Variants in PGR observed in about 807,000 individuals in gnomAD.
PGR encodes nuclear receptor subfamily 3 group C member 3.
A neutral mutation model predicts 76.1 loss-of-function variants in PGR; 25 were observed. That is an observed-to-expected ratio of 0.33 (90% CI 0.24 to 0.46). PGR has a LOEUF of 0.46. Among genes scored for constraint, PGR ranks in the 20% least tolerant of loss-of-function variants. The pLI, the probability that PGR is intolerant of heterozygous loss-of-function variation, is 1.00. For missense variants in PGR, 1,172 were observed against 1,225.3 expected, an observed-to-expected ratio of 0.96 and a Z score of 0.65; for synonymous variants, 579 against 535.0, an observed-to-expected ratio of 1.08 and a Z score of -1.14.
At chr11:101,059,030 A>AC (rs1324429045) in intron 4 of PGR, among the ~76,000 whole-genome samples, 4 of 151,280 alleles carry the variant, frequency 2.6e-5, no homozygotes, top group East Asian at 3.9e-4. Context: ...TTACTAAGGG[A>AC]CCCCCCACAC....
At chr11:101,045,642 T>C (rs1420520865) in intron 6 of PGR, among the ~76,000 whole-genome samples, 1 of 151,718 alleles carries the variant, frequency 6.6e-6, no homozygotes, top group African/African-American at 2.4e-5. Context: ...TCATTCTTTT[T>C]GATTGCTGAA....
chr11:101,061,105 T>C (rs1207205332), intron 4 of PGR, among the ~76,000 whole-genome samples: 1 of 152,074 alleles, frequency 6.6e-6, no homozygotes, highest in Non-Finnish European at 1.5e-5. Flanking sequence ...AATAGAACAA[T>C]GGAGAAAAAT....
At chr11:101,110,731 A>C (rs1446361009) in intron 2 of PGR, among the ~76,000 whole-genome samples, 2 of 152,176 alleles carry the variant, frequency 1.3e-5, no homozygotes, top group Admixed American at 6.6e-5. Context: ...TGTGGGTAAA[A>C]CACAGCATTG....
At chr11:101,090,616 A>G (rs1861648009) in intron 3 of PGR, among the ~76,000 whole-genome samples, 1 of 152,230 alleles carries the variant, frequency 6.6e-6, no homozygotes, top group African/African-American at 2.4e-5. Context: ...CTCAAAAACA[A>G]TTTTAATCTG....
intron 3 of PGR, chr11:101,062,998 G>A (rs1860571264): frequency 7.9e-6 from 3 of 377,484 alleles, no homozygotes; most frequent in South Asian, 5.9e-5. Flanking sequence ...ACAATCACTG[G>A]GTGGGTGAGG....
Position 101,042,059 on chromosome 11 carries a change from C to T in PGR, c.2532G>A (p.Met844Ile). ...TGAGCTCTCTAATGTAGCTTGACCT[C>T]ATCTCCTCAAACTGGGTTTGACTTC... Reference protein sequence around the residue: ...GLRSQTQFEEMRSSYIRELIK... With the variant: ...GLRSQTQFEEIRSSYIRELIK... Residue 844 changes from methionine to isoleucine, a missense_variant, in exon 7 of 8, where the codon ATG becomes ATA. Physicochemically the swap from Met to Ile is conservative, Grantham distance 10. Coordinates refer to ENST00000325455, the MANE Select transcript of PGR (RefSeq NM_000926.4). 1 of 1,613,534 alleles carries T rather than the reference C, an allele frequency of 6.2e-7. No individual in the cohort carries two copies. Among genetic ancestry groups the T allele is most frequent in the Non-Finnish European group, 8.5e-7 (1 of 1,179,654 alleles).
In PGR at chr11:101,032,643, A is replaced by G. The variant is rs1859387059; in HGVS notation, c.*6473T>C. On this transcript the variant is annotated 3_prime_UTR_variant, in exon 8 of 8. Coordinates refer to ENST00000325455, the MANE Select transcript of PGR (RefSeq NM_000926.4). ...CGTTCTGCTAATTCCTAAACTGCTT[A>G]TAGATTGTGGCTTAGCTTTGACTTT... 4.5e-6 allele frequency: 1 copy of G among 222,060 alleles called. No homozygotes were observed. The highest frequency in any genetic ancestry group is 9.0e-6 in the Non-Finnish European group (1 of 111,010). The allele number at this position is 222,060 out of a possible 1,614,324, so 13.8% of individuals were successfully genotyped here.
intron 4 of PGR, among the ~76,000 whole-genome samples, chr11:101,059,192 CA>C (rs1860396068): frequency 6.6e-6 from 1 of 151,876 alleles, no homozygotes; most frequent in South Asian, 2.1e-4. Context: ...CTGTAAGATG[CA>C]GTTTAACTGA....
chr11:101,124,732 C>A (rs915334298), intron 2 of PGR, among the ~76,000 whole-genome samples: 1 of 152,172 alleles, frequency 6.6e-6, no homozygotes, highest in African/African-American at 2.4e-5. Context: ...GAACTTCCAA[C>A]TGTAACTGTA....
intron 3 of PGR, among the ~76,000 whole-genome samples, chr11:101,077,846 G>A (rs1220919789): frequency 1.3e-5 from 2 of 152,180 alleles, no homozygotes; most frequent in Non-Finnish European, 2.9e-5. Flanking sequence ...CAAAGGCCAG[G>A]ATTTGGGTGG....
chr11:101,104,386 A>C (rs1345212905), intron 2 of PGR, among the ~76,000 whole-genome samples: 2 of 152,224 alleles, frequency 1.3e-5, no homozygotes, highest in African/African-American at 4.8e-5. Context: ...GTTTAATCAA[A>C]ATCTTAGTTT....
chr11:101,123,727 A>G (rs775698929), intron 2 of PGR, among the ~76,000 whole-genome samples: 21 of 152,170 alleles, frequency 1.4e-4, no homozygotes, highest in Non-Finnish European at 2.9e-4. Context: ...ACATATTTCA[A>G]CCCATAACCA....
intron 2 of PGR, among the ~76,000 whole-genome samples, chr11:101,117,349 G>A (rs1862542117): frequency 6.6e-6 from 1 of 151,782 alleles, no homozygotes; most frequent in South Asian, 2.1e-4. Flanking sequence ...CTTCCTGTTT[G>A]TCTTTTTCTT....
At chr11:101,055,643 T>C (rs1013364705) in intron 4 of PGR, among the ~76,000 whole-genome samples, 2 of 152,202 alleles carry the variant, frequency 1.3e-5, no homozygotes, top group Non-Finnish European at 2.9e-5. Flanking sequence ...TTGTTTTATG[T>C]TAACCTTTGA....
intron 6 of PGR, among the ~76,000 whole-genome samples, chr11:101,046,403 T>C (rs1859889560): frequency 6.8e-6 from 1 of 146,198 alleles, no homozygotes; most frequent in African/African-American, 2.6e-5. Context: ...TCTGCCCAGC[T>C]TGCCCTCCCA....
chr11:101,092,879 C>A (rs1341913782), intron 2 of PGR, among the ~76,000 whole-genome samples: 1 of 152,054 alleles, frequency 6.6e-6, no homozygotes, highest in Admixed American at 6.6e-5. Context: ...TTTAAAAGAT[C>A]ATGGGATTTT....
chr11:101,107,536 C>A (rs1039996335), intron 2 of PGR, among the ~76,000 whole-genome samples: 5 of 152,118 alleles, frequency 3.3e-5, no homozygotes, highest in African/African-American at 1.2e-4. Context: ...AAAGAAACCA[C>A]AATCATTTGA....
intron 5 of PGR, chr11:101,050,947 AC>A: frequency 4.0e-6 from 1 of 252,594 alleles, no homozygotes; most frequent in Non-Finnish European, 7.9e-6. Context: ...TATAAATATT[AC>A]CATGAAAAGA....
At chr11:101,089,392 T>C (rs1485281708) in intron 3 of PGR, among the ~76,000 whole-genome samples, 1 of 152,180 alleles carries the variant, frequency 6.6e-6, no homozygotes, top group Non-Finnish European at 1.5e-5. Context: ...TATTATTGCT[T>C]AGGAAGAGGC....
Sources: gnomAD v4.1 joint callset for allele counts (sites outside exome capture counted in the v4.1 genomes callset) on GRCh38, gnomAD v4.1.1 for gene constraint, MANE v1.5 for transcripts, NCBI Gene and HGNC (gene_info 2026-07-23, HGNC 2026-07-21) for gene names.